RHOU: variants seen among roughly 807,000 people sequenced by gnomAD.
RHOU encodes ras homolog family member U.
A neutral mutation model predicts 12.6 loss-of-function variants in RHOU; 8 were observed. The observed-to-expected ratio is 0.64, with a 90% CI of 0.37 to 1.15. The LOEUF is 1.15. Among genes scored for constraint, RHOU ranks in the 50% most tolerant of loss-of-function variants. The pLI, the probability that RHOU is intolerant of heterozygous loss-of-function variation, is 0.01. For synonymous variants in RHOU, 161 were observed against 147.4 expected (o/e 1.09, Z -0.67); for missense variants, 258 against 347.0 (o/e 0.74, Z 2.04).
intron 2 of RHOU, among the ~76,000 whole-genome samples, chr1:228,741,105 A>G (rs75639099): frequency 3.3e-5 from 5 of 151,962 alleles, no homozygotes; most frequent in Non-Finnish European, 5.9e-5. Context: ...AAAAAAAAAA[A>G]TCAAGTTGCA....
the RHOU span, chr1:228,650,989 G>A: frequency 3.0e-6 from 1 of 329,948 alleles, no homozygotes; most frequent in Admixed American, 4.0e-5. Context: ...TCAGAGAAAA[G>A]AAAGGCAAGG....
the RHOU span, chr1:228,687,748 A>G: frequency 5.6e-6 from 8 of 1,419,508 alleles, no homozygotes; most frequent in Admixed American, 1.0e-4. Context: ...AACTTGTGCA[A>G]GATGGGAGCG....
chr1:228,685,699 AT>A, the RHOU span, among the ~76,000 whole-genome samples: 1 of 152,230 alleles, frequency 6.6e-6, no homozygotes, highest in African/African-American at 2.4e-5. Context: ...TCCTGTTAAA[AT>A]TATATATAGG....
the RHOU span, among the ~76,000 whole-genome samples, chr1:228,681,062 C>G: frequency 9.9e-5 from 15 of 152,096 alleles, no homozygotes; most frequent in South Asian, 3.1e-3. Context: ...TTAAGTCTCT[C>G]CAGGTTAAAC....
the RHOU span, among the ~76,000 whole-genome samples, chr1:228,655,106 C>CTT: frequency 6.6e-5 from 9 of 137,024 alleles, no homozygotes; most frequent in Non-Finnish European, 6.4e-5. Flanking sequence ...ATTAACCTTG[C>CTT]TTTTTTTTTT....
At chr1:228,705,095 C>T in the RHOU span, among the ~76,000 whole-genome samples, 1 of 151,890 alleles carries the variant, frequency 6.6e-6, no homozygotes, top group Non-Finnish European at 1.5e-5. Flanking sequence ...AGCCACCACA[C>T]CTGGCCAAGA....
the RHOU span, among the ~76,000 whole-genome samples, chr1:228,682,777 C>T: frequency 6.6e-6 from 1 of 152,152 alleles, no homozygotes; most frequent in Non-Finnish European, 1.5e-5. Context: ...CACCATCCAT[C>T]GTCATTGCCA....
chr1:228,663,452 G>A, the RHOU span, among the ~76,000 whole-genome samples: 1 of 151,800 alleles, frequency 6.6e-6, no homozygotes, highest in Non-Finnish European at 1.5e-5. Context: ...TCAACTCATA[G>A]GAAAGCAATA....
At chr1:228,682,060 A>G in the RHOU span, among the ~76,000 whole-genome samples, 1 of 152,160 alleles carries the variant, frequency 6.6e-6, no homozygotes. Flanking sequence ...CTGTCTTCCT[A>G]AGTTGGTGAC....
the RHOU span, among the ~76,000 whole-genome samples, chr1:228,715,745 CA>C: frequency 1.8e-3 from 271 of 151,948 alleles, 3 homozygotes; most frequent in South Asian, 3.7e-3. Context: ...GTCTTATTCC[CA>C]GGGGGAATTA....
At position 228,735,857 on chromosome 1, in the gene RHOU, C is replaced by A. The variant is rs1662593461; in HGVS notation, c.115C>A (p.Arg39=). ...GGRGPGEPGG[R]GRAGGAEGRG... is the part of the protein sequence containing the mutation. ...ACGCGGGCCTGGGGAGCCGGGGGGC[C>A]GGGGGCGTGCGGGGGGTGCCGAGGG... The change falls in exon 1 of 3, where the codon CGG becomes AGG. Residue 39 remains arginine (R), a synonymous_variant. Coordinates refer to ENST00000366691, the MANE Select transcript of RHOU (RefSeq NM_021205.6). The surrounding 1 kb of genome is among the most constrained non-coding windows in gnomAD (Gnocchi z 8.1). 1 of 1,347,926 alleles carries A rather than the reference C, an allele frequency of 7.4e-7. No individual in the cohort carries two copies. The allele number at this position is 1,347,926 out of a possible 1,614,324, so 83.5% of individuals were successfully genotyped here.
chr1:228,694,044 A>G, the RHOU span, among the ~76,000 whole-genome samples: 1 of 152,346 alleles, frequency 6.6e-6, no homozygotes, highest in East Asian at 1.9e-4. Context: ...TTTGCAGTTC[A>G]GTGTTTTTTT....
chr1:228,675,585 C>A, the RHOU span, among the ~76,000 whole-genome samples: 1 of 152,182 alleles, frequency 6.6e-6, no homozygotes, highest in Admixed American at 6.5e-5. Flanking sequence ...ATGTTTAATA[C>A]ACTTTTGTGT....
chr1:228,726,928 T>C, the RHOU span, among the ~76,000 whole-genome samples: 1 of 152,196 alleles, frequency 6.6e-6, no homozygotes, highest in Non-Finnish European at 1.5e-5. Flanking sequence ...CTGGTCAGAG[T>C]AGGGTTGATT....
rs758923506 is a variant in RHOU at position 228,744,204 on chromosome 1, T to C, written c.*464T>C. 1 of 152,582 alleles carries C rather than the reference T, an allele frequency of 6.6e-6. No individual in the cohort carries two copies. The highest frequency in any genetic ancestry group is 6.5e-5 in the Admixed American group (1 of 15,306). 9.5% of individuals were successfully genotyped at this position (152,582 alleles called of 1,614,324 possible). On this transcript the variant is annotated 3_prime_UTR_variant, in exon 3 of 3. Transcript: ENST00000366691. ...AATAGTTCTTAGCTTTGAAACTCCA[T>C]GCAAACCATGCCTTTTTTTTAAGGA...
chr1:228,674,282 A>G, the RHOU span, among the ~76,000 whole-genome samples: 1 of 150,662 alleles, frequency 6.6e-6, no homozygotes, highest in South Asian at 2.1e-4. Context: ...TCTTAATGCA[A>G]TCGTTTGAGG....
the RHOU span, among the ~76,000 whole-genome samples, chr1:228,668,362 C>A: frequency 9.2e-5 from 14 of 152,168 alleles, no homozygotes; most frequent in Non-Finnish European, 1.9e-4. Flanking sequence ...GTGGAAATCC[C>A]CAATTTATAG....
chr1:228,717,129 T>C, the RHOU span, among the ~76,000 whole-genome samples: 1 of 152,324 alleles, frequency 6.6e-6, no homozygotes, highest in South Asian at 2.1e-4. Context: ...GTTAGTCTTT[T>C]CGGGCCACTG....
At chr1:228,647,223 T>G in the RHOU span, among the ~76,000 whole-genome samples, 1 of 152,062 alleles carries the variant, frequency 6.6e-6, no homozygotes, top group Non-Finnish European at 1.5e-5. Flanking sequence ...CTTGGATGAA[T>G]TGCTTGCTTT....
Sources: allele counts gnomAD v4.1 joint callset (sites outside exome capture counted in the v4.1 genomes callset), GRCh38; gene constraint gnomAD v4.1.1; non-coding constraint Gnocchi (gnomAD v3.1); transcripts MANE v1.5; gene names NCBI Gene and HGNC (gene_info 2026-07-23, HGNC 2026-07-21).